ANKFN1: variants seen among roughly 807,000 people sequenced by gnomAD.
The protein encoded by ANKFN1 is ankyrin repeat and fibronectin type III domain containing 1, also known as ankyrin repeat and fibronectin type-III domain-containing protein 1.
Under a neutral mutation model 108.7 loss-of-function variants are expected in ANKFN1, and 74 were observed. The observed-to-expected ratio is 0.68, with a 90% CI of 0.56 to 0.83. The LOEUF (loss-of-function observed/expected upper bound fraction) is 0.83. Ranked by LOEUF, ANKFN1 falls within the 40% of genes least tolerant of loss-of-function variation. The probability of loss-of-function intolerance (pLI) is 0.00; values close to 1 mark genes in which losing one functional copy is unlikely to be tolerated. For synonymous variants in ANKFN1, 547 were observed against 516.2 expected (o/e 1.06, Z -0.81); for missense variants, 1,505 against 1,382.3 (o/e 1.09, Z -1.41).
At chr17:56,113,200 C>A (rs1198259962) in intron 4 of ANKFN1, among the ~76,000 whole-genome samples, 1 of 152,130 alleles carries the variant, frequency 6.6e-6, no homozygotes, top group East Asian at 1.9e-4. Flanking sequence ...AAATCACATG[C>A]CAATGCTGAT....
chr17:56,414,065 G>T (rs1244423224), intron 8 of ANKFN1, among the ~76,000 whole-genome samples: 3 of 152,188 alleles, frequency 2.0e-5, no homozygotes, highest in African/African-American at 4.8e-5. Flanking sequence ...TAAGCTGTTT[G>T]ATGTGCTGCT....
intron 4 of ANKFN1, among the ~76,000 whole-genome samples, chr17:56,144,185 A>AAAAAAAACTACT (rs1555600058): frequency 2.0e-5 from 2 of 99,232 alleles, no homozygotes; most frequent in African/African-American, 3.6e-5. Flanking sequence ...AAAAAAAAAA[A>AAAAAAAACTACT]CAGCCCAAAC....
chr17:56,073,679 C>A (rs147883802), intron 4 of ANKFN1, among the ~76,000 whole-genome samples: 25 of 152,234 alleles, frequency 1.6e-4, no homozygotes, highest in Admixed American at 1.6e-3. Flanking sequence ...ATTCTGTCTT[C>A]CCTTCAGTCC....
At chr17:56,262,808 C>T (rs1432552519) in intron 3 of ANKFN1, among the ~76,000 whole-genome samples, 1 of 151,658 alleles carries the variant, frequency 6.6e-6, no homozygotes, top group Non-Finnish European at 1.5e-5. Context: ...TGCCATACCC[C>T]CTCACAGAGC....
At chr17:56,213,343 T>G (rs1915173519) in intron 2 of ANKFN1, among the ~76,000 whole-genome samples, 1 of 152,150 alleles carries the variant, frequency 6.6e-6, no homozygotes, top group African/African-American at 2.4e-5. Flanking sequence ...GAGCGGTGGC[T>G]GTAACCAACA....
At chr17:56,150,889 G>C (rs558208695), upstream of ANKFN1, among the ~76,000 whole-genome samples, 29 of 152,170 alleles carry the variant, frequency 1.9e-4, no homozygotes, top group Non-Finnish European at 3.7e-4. Context: ...GCAAGAGAAA[G>C]AATGTGATGA....
chr17:56,189,340 T>C (rs1912640793), intron 1 of ANKFN1, among the ~76,000 whole-genome samples: 1 of 148,520 alleles, frequency 6.7e-6, no homozygotes, highest in Non-Finnish European at 1.5e-5. Context: ...CTGGCTAATT[T>C]TTTGTATTTT....
chr17:56,448,446 A>G (rs546530457), intron 10 of ANKFN1, among the ~76,000 whole-genome samples: 1 of 152,354 alleles, frequency 6.6e-6, no homozygotes, highest in African/African-American at 2.4e-5. Context: ...GTAAGCTAAT[A>G]CTGTATATTT....
intron 3 of ANKFN1, among the ~76,000 whole-genome samples, chr17:56,230,206 C>G (rs959247568): frequency 9.2e-5 from 14 of 152,044 alleles, no homozygotes; most frequent in Admixed American, 2.0e-4. Flanking sequence ...GGAAAATATG[C>G]CTCCATAGAG....
chr17:56,058,939 G>A (rs1188712055), intron 4 of ANKFN1, among the ~76,000 whole-genome samples: 2 of 152,050 alleles, frequency 1.3e-5, no homozygotes, highest in Non-Finnish European at 2.9e-5. Flanking sequence ...TAACCCTTTG[G>A]GTATAAACCA....
intron 4 of ANKFN1, among the ~76,000 whole-genome samples, chr17:56,122,878 A>G (rs1370150942): frequency 6.6e-6 from 1 of 152,152 alleles, no homozygotes; most frequent in Non-Finnish European, 1.5e-5. Flanking sequence ...ATGAGGCACC[A>G]CTTGGCTTCC....
intron 4 of ANKFN1, among the ~76,000 whole-genome samples, chr17:56,062,409 G>C (rs1309572377): frequency 6.6e-6 from 1 of 152,106 alleles, no homozygotes; most frequent in Non-Finnish European, 1.5e-5. Flanking sequence ...ATGACTCTGG[G>C]TGCTCCTGTA....
At position 56,512,099 on chromosome 17, in the gene ANKFN1, CAG is replaced by C. The variant is rs145199246; in HGVS notation, c.*831_*832del. On this transcript the variant is annotated 3_prime_UTR_variant, in exon 21 of 21. Coordinates refer to ENST00000682825, the MANE Select transcript of ANKFN1 (RefSeq NM_001370326.1). ...GTGAAAGCCTGAATTACAGATAAGA[CAG>C]GGGAGGGAGAGAGACATGGGCAGAA... 7.8e-3 allele frequency among the ~76,000 whole-genome samples: 1,184 copies of C among 152,268 alleles called. 15 individuals are homozygous for C. The highest frequency in any genetic ancestry group is 0.027 in the African/African-American group (1,136 of 41,544).
chr17:56,052,115 A>G (rs1267577928), intron 4 of ANKFN1, among the ~76,000 whole-genome samples: 1 of 152,016 alleles, frequency 6.6e-6, no homozygotes, highest in African/African-American at 2.4e-5. Context: ...TTGCCAAGTC[A>G]ATCCTAAGCC....
chr17:56,382,841 G>A (rs550250655), intron 8 of ANKFN1, among the ~76,000 whole-genome samples: 3 of 152,228 alleles, frequency 2.0e-5, no homozygotes, highest in South Asian at 4.1e-4. Context: ...AGTCCTGAGT[G>A]ACCTACAAAG....
chr17:56,457,749 A>G, intron 13 of ANKFN1, 114 bp from the exon 14 acceptor site: 1 of 765,774 alleles, frequency 1.3e-6, no homozygotes, highest in Non-Finnish European at 2.2e-6. Context: ...CTGAAAATGG[A>G]CTGGAGAATA....
At position 56,379,702 on chromosome 17, in the gene ANKFN1, G is replaced by T. The variant is rs573104860; in HGVS notation, c.910+4988G>T. Reference sequence around the variant, plus strand: ...ATAGTATTCCTATTCCACAGAAAGAGGTATCATCATTCTCCTATTGATGGA... The same window carrying T: ...ATAGTATTCCTATTCCACAGAAAGATGTATCATCATTCTCCTATTGATGGA... On this transcript the variant is annotated intron_variant, in intron 8 of 20. Transcript: ENST00000682825. Among the ~76,000 whole-genome samples, 3 of 152,224 alleles carry T rather than the reference G, an allele frequency of 2.0e-5. No individual in the cohort carries two copies. In the East Asian group the frequency reaches 5.8e-4, roughly 29 times the overall value.
At chr17:56,484,746 G>T (rs2050806338) in intron 18 of ANKFN1, among the ~76,000 whole-genome samples, 1 of 152,124 alleles carries the variant, frequency 6.6e-6, no homozygotes, top group Admixed American at 6.6e-5. Context: ...ACAGAGAAAA[G>T]AATTAAAGAA....
At chr17:56,289,675 C>A (rs2044308220) in intron 3 of ANKFN1, among the ~76,000 whole-genome samples, 1 of 152,252 alleles carries the variant, frequency 6.6e-6, no homozygotes, top group Non-Finnish European at 1.5e-5. Flanking sequence ...ACCCTCCTCC[C>A]TTCGGGATTG....
Sources: gnomAD v4.1 joint callset for allele counts (sites outside exome capture counted in the v4.1 genomes callset) on GRCh38, gnomAD v4.1.1 for gene constraint, MANE v1.5 for transcripts, NCBI Gene and HGNC (gene_info 2026-07-23, HGNC 2026-07-21) for gene names.